Variants in PARP2 observed in about 807,000 individuals in gnomAD.
PARP2 encodes the protein poly(ADP-ribose) polymerase 2.
In PARP2, 57 loss-of-function variants were observed where a neutral mutation model predicts 77.8. That is an observed-to-expected ratio of 0.73 (90% CI 0.59 to 0.91). The LOEUF (loss-of-function observed/expected upper bound fraction) is 0.91, where lower values mean the gene tolerates loss of function less well. Ranked by LOEUF, PARP2 falls within the 40% of genes least tolerant of loss-of-function variation. PARP2 has a pLI of 0.00. For missense variants in PARP2, 651 were observed against 689.0 expected, an observed-to-expected ratio of 0.94 and a Z score of 0.62; for synonymous variants, 226 against 242.6, an observed-to-expected ratio of 0.93 and a Z score of 0.64.
At chr14:20,348,176 T>A (rs1479557616) in intron 4 of PARP2, among the ~76,000 whole-genome samples, 3 of 152,124 alleles carry the variant, frequency 2.0e-5, no homozygotes, top group Non-Finnish European at 4.4e-5. Flanking sequence ...GACAAGCTGT[T>A]TTGCACATTT....
intron 4 of PARP2, among the ~76,000 whole-genome samples, chr14:20,347,297 G>A (rs1883762029): frequency 7.8e-6 from 1 of 128,912 alleles, no homozygotes; most frequent in South Asian, 2.5e-4. Flanking sequence ...CTCCCAAAAT[G>A]CTGGGATTAC....
intron 4 of PARP2, 89 bp downstream of exon 4, chr14:20,347,002 T>G (rs1367109553): frequency 2.5e-6 from 2 of 796,190 alleles, no homozygotes; most frequent in Non-Finnish European, 4.0e-6. Flanking sequence ...TTCAGATCTT[T>G]AAAGTCCCTT....
In PARP2 at chr14:20,357,806, A is replaced by C. The variant is rs2700; in HGVS notation, c.*9A>C. The C allele has an allele frequency of 0.28, 451,159 of 1,607,518 alleles. 65,395 individuals are homozygous for C. Among genetic ancestry groups the C allele is most frequent in the South Asian group, 0.35 (31,045 of 89,960 alleles). ...TCCTTCAGCTGTGGTGAATGTTGAT[A>C]TTAAATAAACCAGAGATCTGATCTT... On this transcript the variant is annotated 3_prime_UTR_variant, in exon 16 of 16. Coordinates refer to ENST00000429687, the MANE Select transcript of PARP2 (RefSeq NM_001042618.2).
intron 6 of PARP2, among the ~76,000 whole-genome samples, chr14:20,351,905 T>G (rs1451736683): frequency 1.3e-5 from 2 of 152,148 alleles, no homozygotes; most frequent in African/African-American, 4.8e-5. Flanking sequence ...TTTTAAAACT[T>G]TATGATATAG....
rs564505898 is a variant in PARP2 at position 20,352,325 on chromosome 14, T to TG, written c.580dup (p.Asp194GlyfsTer9). ...CCTGGAAAATATGATATGCTACAGA[T>TG]GGACTATGCCACCAATACTCAGGTA... On this transcript the variant is annotated frameshift_variant, in exon 7 of 16. Coordinates refer to ENST00000429687, the MANE Select transcript of PARP2 (RefSeq NM_001042618.2). LOFTEE classifies it high-confidence loss of function. 150 of 1,597,324 alleles carry TG rather than the reference T, an allele frequency of 9.4e-5. 1 individual carries two copies. In the African/African-American group the frequency reaches 1.8e-3, roughly 19 times the overall value.
chr14:20,356,978 G>A, intron 13 of PARP2, 73 bp from the exon 14 acceptor site: 3 of 929,478 alleles, frequency 3.2e-6, no homozygotes, highest in Non-Finnish European at 5.4e-6. Context: ...GGAAAAACAG[G>A]GTCAGTGGTA....
intron 4 of PARP2, among the ~76,000 whole-genome samples, chr14:20,350,074 A>C (rs906909369): frequency 6.6e-6 from 1 of 152,208 alleles, no homozygotes; most frequent in East Asian, 1.9e-4. Context: ...TGACAAACAA[A>C]AGCTGTGAGT....
At position 20,346,864 on chromosome 14, in the gene PARP2, C is replaced by A; in HGVS notation, c.275C>A (p.Ala92Asp). 6.3e-7 allele frequency: 1 copy of A among 1,599,164 alleles called. No individual in the cohort carries two copies. Among genetic ancestry groups the A allele is most frequent in the Non-Finnish European group, 8.6e-7 (1 of 1,168,650 alleles). ...TTTTTTCTCTCTCTCCCTTTCTAGG[C>A]TCATGTGTATTGTGAAGGAAATGAT... The part of the protein sequence containing the change: ...DPECTAKVGK[A>D]HVYCEGNDVY... Residue 92 changes from alanine (A) to aspartate (D), a missense_variant and splice_region_variant, in exon 4 of 16, where the codon GCT becomes GAT. Physicochemically the swap from Ala to Asp is moderately radical, Grantham distance 126 (BLOSUM62 -2). Coordinates refer to ENST00000429687, the MANE Select transcript of PARP2 (RefSeq NM_001042618.2).
At chr14:20,347,334 A>AAAGTCCTTCATATGTGTGTG (rs1467497031) in intron 4 of PARP2, among the ~76,000 whole-genome samples, 1 of 108,498 alleles carries the variant, frequency 9.2e-6, no homozygotes, top group Admixed American at 1.1e-4. Flanking sequence ...CGCCTTGCCT[A>AAAGTCCTTCATATGTGTGTG]AAGTCCTTCA....
intron 4 of PARP2, among the ~76,000 whole-genome samples, chr14:20,348,505 C>G (rs1034542152): frequency 5.3e-5 from 8 of 151,814 alleles, no homozygotes; most frequent in African/African-American, 1.9e-4. Context: ...GTAGCTGGGA[C>G]TACAGGCATC....
chr14:20,346,853 C>G lies in PARP2; in HGVS notation c.274-10C>G. 1 of 1,536,946 alleles carries G rather than the reference C, an allele frequency of 6.5e-7. No homozygotes were observed. Among genetic ancestry groups the G allele is most frequent in the Non-Finnish European group, 8.9e-7 (1 of 1,124,962 alleles). On this transcript the variant is annotated splice_polypyrimidine_tract_variant and intron_variant, in intron 3 of 15. Transcript: ENST00000429687. ...ACTAATGTTGATTTTTTCTCTCTCT[C>G]CCTTTCTAGGCTCATGTGTATTGTG...
intron 5 of PARP2, 181 bp downstream of exon 5, chr14:20,350,803 T>C (rs1247925385): frequency 1.6e-6 from 1 of 607,332 alleles, no homozygotes; most frequent in East Asian, 2.7e-5. Context: ...TCCTTAGAGT[T>C]CCCACTGGAA....
At chr14:20,347,354 G>GTTTATATA (rs1883771350) in intron 4 of PARP2, among the ~76,000 whole-genome samples, 8 of 43,956 alleles carry the variant, frequency 1.8e-4, no homozygotes, top group Non-Finnish European at 2.8e-4. Flanking sequence ...ATATGTGTGT[G>GTTTATATA]TGTATATATA....
rs768372903 is a variant in PARP2 at position 20,351,050 on chromosome 14, G to A, written c.425G>A (p.Gly142Glu). The change falls in exon 6 of 16, where the codon GGG becomes GAG. Residue 142 changes from glycine to glutamate, a missense_variant. Transcript: ENST00000429687. ...ATGTGTGGCATTTCCTTTGCAGTTG[G>A]GAAAATGGGACAGCACAGCCTGGTG... ...FSVWMRWGRV[G>E]KMGQHSLVAC... The A allele has an allele frequency of 9.3e-6, 15 of 1,613,586 alleles. No individual in the cohort carries two copies. The highest frequency in any genetic ancestry group is 1.2e-5 in the Non-Finnish European group (14 of 1,179,616).
Position 20,353,837 on chromosome 14 carries a change from G to T in PARP2, c.601-248G>T, listed in dbSNP as rs1884046043. Among the ~76,000 whole-genome samples, 3 of 152,196 alleles carry T rather than the reference G, an allele frequency of 2.0e-5. No homozygotes were observed. The South Asian group carries it at 6.2e-4, about 32-fold the overall frequency. On this transcript the variant is annotated intron_variant, in intron 7 of 15. Coordinates refer to ENST00000429687, the MANE Select transcript of PARP2 (RefSeq NM_001042618.2). ...CTAGACTTATTCTGAGTTGTAAAATGTGGGAGGCAGAACTTGGATGGTCAA... is the reference window on the plus strand; with the variant it reads ...CTAGACTTATTCTGAGTTGTAAAATTTGGGAGGCAGAACTTGGATGGTCAA...
At chr14:20,344,893 G>T (rs1883653185) in intron 1 of PARP2, 39 bp from the exon 2 acceptor site, 2 of 1,196,836 alleles carry the variant, frequency 1.7e-6, no homozygotes, top group South Asian at 2.4e-5. Context: ...CACGTATTCG[G>T]GTGTGTACTC....
Position 20,343,704 on chromosome 14 carries a change from C to T in PARP2, c.46+17C>T. 1.1e-5 allele frequency: 17 copies of T among 1,608,286 alleles called. No individual in the cohort carries two copies. Among genetic ancestry groups the T allele is most frequent in the Non-Finnish European group, 1.4e-5 (17 of 1,178,020 alleles). Reference sequence around the variant, plus strand: ...GGGCGAGAGGTTCGGAGCTCAATATCGCGGGACGGCATGCGGGGGGCGGGC... The same window carrying T: ...GGGCGAGAGGTTCGGAGCTCAATATTGCGGGACGGCATGCGGGGGGCGGGC... On this transcript the variant is annotated intron_variant, in intron 1 of 15. Transcript: ENST00000429687.
intron 11 of PARP2, 52 bp from the exon 12 acceptor site, chr14:20,356,255 A>G (rs1472310115): frequency 8.1e-6 from 13 of 1,597,626 alleles, no homozygotes; most frequent in Non-Finnish European, 1.0e-5. Flanking sequence ...TCTTCAGTTC[A>G]GCTCAGTCTC....
intron 14 of PARP2, 54 bp from the exon 15 acceptor site, chr14:20,357,342 G>C (rs1884195065): frequency 1.3e-6 from 2 of 1,564,300 alleles, no homozygotes; most frequent in African/African-American, 2.7e-5. Flanking sequence ...TTTGGCTTTG[G>C]AGCCATCTAA....
Sources: gnomAD v4.1 joint callset for allele counts (sites outside exome capture counted in the v4.1 genomes callset) on GRCh38, gnomAD v4.1.1 for gene constraint, MANE v1.5 for transcripts, NCBI Gene and HGNC (gene_info 2026-07-23, HGNC 2026-07-21) for gene names.